NRXN3: variants seen among roughly 807,000 people sequenced by gnomAD.
NRXN3 encodes neurexin 3, also known as neurexin III.
NRXN3 carries 32 observed loss-of-function variants against 137.6 expected under a neutral mutation model. That is an observed-to-expected ratio of 0.23 (90% CI 0.18 to 0.31). NRXN3 has a LOEUF of 0.31. Among genes scored for constraint, NRXN3 ranks in the 10% least tolerant of loss-of-function variants. NRXN3 has a pLI of 1.00. For missense variants in NRXN3, 1,574 were observed against 2,062.5 expected (o/e 0.76, Z 4.59); for synonymous variants, 798 against 784.5 (o/e 1.02, Z -0.29).
chr14:78,529,971 A>G (rs559641827), intron 4 of NRXN3, among the ~76,000 whole-genome samples: 2 of 152,362 alleles, frequency 1.3e-5, no homozygotes, highest in East Asian at 3.9e-4. Context: ...TAGGAAGTCA[A>G]TAATACTTGT....
intron 15 of NRXN3, among the ~76,000 whole-genome samples, chr14:79,137,872 G>A (rs545400524): frequency 5.7e-4 from 86 of 152,116 alleles, no homozygotes; most frequent in African/African-American, 1.8e-3. Context: ...CAAAGATTAG[G>A]TCAGAAAGGG....
chr14:79,817,197 C>T (rs1015705268), intron 20 of NRXN3, among the ~76,000 whole-genome samples: 5 of 151,984 alleles, frequency 3.3e-5, no homozygotes, highest in Admixed American at 1.3e-4. Flanking sequence ...GGACTACAGG[C>T]GTGTGCCACC....
chr14:79,437,621 A>C (rs974096903), intron 15 of NRXN3, among the ~76,000 whole-genome samples: 7 of 152,212 alleles, frequency 4.6e-5, no homozygotes, highest in African/African-American at 1.4e-4. Flanking sequence ...AGAGAACAGA[A>C]CTGTGCTCCT....
chr14:79,405,614 C>T (rs2095295112), intron 15 of NRXN3, among the ~76,000 whole-genome samples: 3 of 152,134 alleles, frequency 2.0e-5, no homozygotes, highest in Admixed American at 2.0e-4. Flanking sequence ...AGCAACTAAT[C>T]AATGAGGTTT....
intron 19 of NRXN3, among the ~76,000 whole-genome samples, chr14:79,736,598 G>A (rs1447636004): frequency 6.6e-6 from 1 of 152,148 alleles, no homozygotes; most frequent in African/African-American, 2.4e-5. Context: ...CAATTCAAAG[G>A]AATGAGAAAA....
chr14:78,818,164 A>G (rs1467037027), intron 10 of NRXN3, among the ~76,000 whole-genome samples: 1 of 151,798 alleles, frequency 6.6e-6, no homozygotes, highest in Non-Finnish European at 1.5e-5. Flanking sequence ...AAGTTAGTGT[A>G]CCTAGTTTGG....
intron 15 of NRXN3, among the ~76,000 whole-genome samples, chr14:79,349,056 T>C (rs903525867): frequency 6.6e-6 from 1 of 152,192 alleles, no homozygotes; most frequent in African/African-American, 2.4e-5. Flanking sequence ...TTACCTAAAT[T>C]AGCATGGATT....
intron 15 of NRXN3, among the ~76,000 whole-genome samples, chr14:79,202,036 C>T (rs1000011845): frequency 3.3e-5 from 5 of 151,824 alleles, no homozygotes; most frequent in Admixed American, 3.3e-4. Flanking sequence ...GTCCTCCAGG[C>T]TTCCCTTGAG....
chr14:79,611,831 CT>C (rs1421996746), intron 16 of NRXN3: 1 of 152,142 alleles, frequency 6.6e-6, no homozygotes, highest in African/African-American at 2.4e-5. Flanking sequence ...CTTGTTTAAT[CT>C]GTAAAATGGA....
chr14:78,222,604 T>G (rs559070027), intron 1 of NRXN3, among the ~76,000 whole-genome samples: 1 of 152,156 alleles, frequency 6.6e-6, no homozygotes, highest in Non-Finnish European at 1.5e-5. Context: ...TGGGAACTTT[T>G]TTTTTTCCTT....
At chr14:78,348,124 GT>G (rs2082989735) in intron 4 of NRXN3, among the ~76,000 whole-genome samples, 1 of 152,162 alleles carries the variant, frequency 6.6e-6, no homozygotes, top group Admixed American at 6.5e-5. Flanking sequence ...CAAAGCTCAT[GT>G]TTTTCACCAC....
At chr14:78,961,012 ATT>A (rs201893544) in intron 11 of NRXN3, among the ~76,000 whole-genome samples, 3,072 of 137,054 alleles carry the variant, frequency 0.022, 83 homozygotes, top group African/African-American at 0.072. Context: ...GTATTTGCTA[ATT>A]TTTTTTTTTT....
At chr14:79,224,617 T>C (rs2070465592) in intron 15 of NRXN3, among the ~76,000 whole-genome samples, 1 of 152,184 alleles carries the variant, frequency 6.6e-6, no homozygotes, top group Non-Finnish European at 1.5e-5. Flanking sequence ...CCAAAATTCA[T>C]GTCCTTCCTG....
intron 15 of NRXN3, among the ~76,000 whole-genome samples, chr14:79,027,321 G>T (rs1460125477): frequency 6.6e-6 from 1 of 151,978 alleles, no homozygotes; most frequent in East Asian, 1.9e-4. Context: ...AATAGTCTCA[G>T]ATTCACCCAG....
At chr14:78,487,148 C>T (rs1365579215) in intron 4 of NRXN3, among the ~76,000 whole-genome samples, 1 of 152,104 alleles carries the variant, frequency 6.6e-6, no homozygotes, top group African/African-American at 2.4e-5. Flanking sequence ...TTTTTTTACT[C>T]ATTAAAGTGT....
At chr14:79,507,519 C>T (rs2096889975) in intron 16 of NRXN3, among the ~76,000 whole-genome samples, 1 of 152,076 alleles carries the variant, frequency 6.6e-6, no homozygotes, top group South Asian at 2.1e-4. Context: ...AATGCCTAGT[C>T]TCTGATTAAT....
chr14:78,831,785 G>A (rs1051241725), intron 10 of NRXN3, among the ~76,000 whole-genome samples: 3 of 151,868 alleles, frequency 2.0e-5, no homozygotes, highest in Admixed American at 6.6e-5. Flanking sequence ...CATTTAAGTC[G>A]ATAAAATTGT....
intron 16 of NRXN3, among the ~76,000 whole-genome samples, chr14:79,607,729 G>A (rs2098040106): frequency 6.7e-6 from 1 of 148,664 alleles, no homozygotes; most frequent in South Asian, 2.1e-4. Context: ...CTGGAGTGCA[G>A]TGGTGCAGTC....
At chr14:79,794,657 G>C (rs951762626) in intron 19 of NRXN3, among the ~76,000 whole-genome samples, 3 of 152,186 alleles carry the variant, frequency 2.0e-5, no homozygotes, top group Admixed American at 2.0e-4. Flanking sequence ...AGAATCCGGA[G>C]AGAGGAAAAG....
Sources: gnomAD v4.1 joint callset for allele counts (sites outside exome capture counted in the v4.1 genomes callset) on GRCh38, gnomAD v4.1.1 for gene constraint, MANE v1.5 for transcripts, NCBI Gene and HGNC (gene_info 2026-07-23, HGNC 2026-07-21) for gene names.